CYB5B: variants seen among roughly 807,000 people sequenced by gnomAD.
The protein encoded by CYB5B is cytochrome b5 type B.
A neutral mutation model predicts 21.3 loss-of-function variants in CYB5B; 14 were observed. That is an observed-to-expected ratio of 0.66 (90% CI 0.43 to 1.03). The LOEUF is 1.03. Ranked by LOEUF, CYB5B falls within the 50% of genes least tolerant of loss-of-function variation. The pLI is 0.00. For synonymous variants in CYB5B, 69 were observed against 68.4 expected, an observed-to-expected ratio of 1.01 and a Z score of -0.04; for missense variants, 166 against 185.1, an observed-to-expected ratio of 0.90 and a Z score of 0.60.
intron 3 of CYB5B, among the ~76,000 whole-genome samples, chr16:69,451,040 G>A (rs1260722935): frequency 6.6e-6 from 1 of 152,164 alleles, no homozygotes; most frequent in Admixed American, 6.5e-5. Flanking sequence ...GATAGTACCT[G>A]AGTTGAAGGC....
At chr16:69,450,836 C>CCTT (rs940263506) in intron 3 of CYB5B, among the ~76,000 whole-genome samples, 1 of 152,042 alleles carries the variant, frequency 6.6e-6, no homozygotes. Context: ...TTTCCATTTT[C>CCTT]CTTCTTCTCC....
At chr16:69,454,204 T>A (rs929562047) in intron 3 of CYB5B, among the ~76,000 whole-genome samples, 5 of 152,146 alleles carry the variant, frequency 3.3e-5, no homozygotes, top group African/African-American at 1.2e-4. Context: ...CTTAAGAGAG[T>A]TTATAGCAAT....
chr16:69,445,427 A>G lies in CYB5B; in HGVS notation c.175-1723A>G, dbSNP rs1421882196. Reference sequence around the variant, plus strand: ...CTGGGAAGTAACACTTACAGTTTTTATACTTCAATTGAATTAACATTTATT... The same window carrying G: ...CTGGGAAGTAACACTTACAGTTTTTGTACTTCAATTGAATTAACATTTATT... On this transcript the variant is annotated intron_variant, in intron 1 of 4. Coordinates refer to ENST00000307892, the MANE Select transcript of CYB5B (RefSeq NM_030579.3). 3.9e-5 allele frequency among the ~76,000 whole-genome samples: 6 copies of G among 152,364 alleles called. No individual in the cohort carries two copies. In the East Asian group the frequency reaches 1.2e-3, roughly 29 times the overall value.
chr16:69,462,729 C>T lies in CYB5B; in HGVS notation c.*209C>T, dbSNP rs943029771. The T allele has an allele frequency of 3.8e-6, 2 of 523,290 alleles. No homozygotes were observed. Among genetic ancestry groups the T allele is most frequent in the Non-Finnish European group, 6.9e-6 (2 of 289,552 alleles). The allele number at this position is 523,290 out of a possible 1,614,324, so 32.4% of individuals were successfully genotyped here. A position where few individuals can be genotyped will look rare whatever the true frequency, so the allele number is the denominator to read the frequency against. ...ACTCCCAAAGTACCTGCTCACTGTT[C>T]CGTGTTGAACAATTGCCGGTGTTTC... On this transcript the variant is annotated 3_prime_UTR_variant, in exon 5 of 5. Coordinates refer to ENST00000307892, the MANE Select transcript of CYB5B (RefSeq NM_030579.3).
At chr16:69,431,240 T>C (rs28541473) in intron 1 of CYB5B, among the ~76,000 whole-genome samples, 26,252 of 146,500 alleles carry the variant, frequency 0.18, 2,388 homozygotes, top group Middle Eastern at 0.31. Flanking sequence ...CTGCCCACCT[T>C]GGCCTCCCAA....
In CYB5B at chr16:69,463,396, T is replaced by A. The variant is rs1416623029; in HGVS notation, c.*876T>A. On this transcript the variant is annotated 3_prime_UTR_variant, in exon 5 of 5. Coordinates refer to ENST00000307892, the MANE Select transcript of CYB5B (RefSeq NM_030579.3). ...CTGGTGAATTCAGAGTAATCTTTCT[T>A]TAGAAAACTGGTGTTTTCTAAAGAA... 1.4e-4 allele frequency: 21 copies of A among 152,076 alleles called. No homozygotes were observed. 9.4% of individuals were successfully genotyped at this position (152,076 alleles called of 1,614,324 possible).
At chr16:69,426,239 A>T (rs1478826831) in intron 1 of CYB5B, among the ~76,000 whole-genome samples, 1 of 151,540 alleles carries the variant, frequency 6.6e-6, no homozygotes, top group Non-Finnish European at 1.5e-5. Context: ...CTCTACTAAA[A>T]ATACAAAAAA....
intron 1 of CYB5B, among the ~76,000 whole-genome samples, chr16:69,445,314 G>A (rs1202290291): frequency 6.6e-6 from 1 of 152,190 alleles, no homozygotes; most frequent in Non-Finnish European, 1.5e-5. Flanking sequence ...ACTGGGATGT[G>A]AGACCCACTC....
At chr16:69,453,546 T>G (rs936141909) in intron 3 of CYB5B, among the ~76,000 whole-genome samples, 1 of 152,068 alleles carries the variant, frequency 6.6e-6, no homozygotes, top group Non-Finnish European at 1.5e-5. Context: ...TTCTTGTGTG[T>G]TTTTTTGTTT....
chr16:69,433,819 T>C (rs2014730712), intron 1 of CYB5B, among the ~76,000 whole-genome samples: 2 of 152,168 alleles, frequency 1.3e-5, no homozygotes, highest in African/African-American at 4.8e-5. Flanking sequence ...ATTAGTTGAT[T>C]TTACCCCTTC....
At chr16:69,450,200 A>G (rs915715636) in intron 3 of CYB5B, 2 of 142,746 alleles carry the variant, frequency 1.4e-5, no homozygotes, top group African/African-American at 5.3e-5. Context: ...CATCTGGGTA[A>G]CACAGCATGA....
chr16:69,460,910 C>T (rs1340020387), intron 4 of CYB5B, among the ~76,000 whole-genome samples: 1 of 152,184 alleles, frequency 6.6e-6, no homozygotes, highest in Non-Finnish European at 1.5e-5. Flanking sequence ...ACCTGAATCT[C>T]CTGTGATGCA....
intron 1 of CYB5B, among the ~76,000 whole-genome samples, chr16:69,430,617 TATAA>T (rs1483231013): frequency 6.6e-6 from 1 of 152,182 alleles, no homozygotes. Context: ...TTGACTTGTG[TATAA>T]ATAGTCATTT....
rs1197155089 is a variant in CYB5B at position 69,464,563 on chromosome 16, C to T, written c.*2043C>T. The T allele has an allele frequency of 2.0e-5, 3 of 152,248 alleles. No homozygotes were observed. The highest frequency in any genetic ancestry group is 4.4e-5 in the Non-Finnish European group (3 of 68,022). 9.4% of individuals were successfully genotyped at this position (152,248 alleles called of 1,614,324 possible). A position where few individuals can be genotyped will look rare whatever the true frequency, so the allele number is the denominator to read the frequency against. On this transcript the variant is annotated 3_prime_UTR_variant, in exon 5 of 5. Coordinates refer to ENST00000307892, the MANE Select transcript of CYB5B (RefSeq NM_030579.3). ...AGGAGCTTGAAAGGGAACATTCAAA[C>T]TAAAGCCAAGCCTGAAGATAACTTG...
rs796578821 is a variant in CYB5B at position 69,453,514 on chromosome 16, T to C, written c.333+5370T>C. Among the ~76,000 whole-genome samples, 8 of 152,242 alleles carry C rather than the reference T, an allele frequency of 5.3e-5. 1 individual carries two copies. Among genetic ancestry groups the C allele is most frequent in the African/African-American group, 1.9e-4 (8 of 41,560 alleles). ...GCAGTGATTGCTATTTACCAGAGAA[T>C]TTTGTCTGGTTATTTCCTGATTTCT... On this transcript the variant is annotated intron_variant, in intron 3 of 4. Coordinates refer to ENST00000307892, the MANE Select transcript of CYB5B (RefSeq NM_030579.3).
At chr16:69,442,014 T>G (rs2014828100) in intron 1 of CYB5B, among the ~76,000 whole-genome samples, 2 of 152,220 alleles carry the variant, frequency 1.3e-5, no homozygotes, top group South Asian at 2.1e-4. Context: ...AGGCTCAGAA[T>G]GAACAATACA....
rs1024433160 is a variant in CYB5B at position 69,466,039 on chromosome 16, G to A, written c.*3519G>A. On this transcript the variant is annotated 3_prime_UTR_variant, in exon 5 of 5. Transcript: ENST00000307892. ...TTGCCCACGCTTGTATCCTACGTTT[G>A]CTATTTGGGCAAACCATTACTTCAG... 6.6e-6 allele frequency: 1 copy of A among 152,432 alleles called. No homozygotes were observed. Among genetic ancestry groups the A allele is most frequent in the African/African-American group, 2.4e-5 (1 of 41,312 alleles). 9.4% of individuals were successfully genotyped at this position (152,432 alleles called of 1,614,324 possible). A position where few individuals can be genotyped will look rare whatever the true frequency, so the allele number is the denominator to read the frequency against.
At chr16:69,434,781 T>C (rs1005579552) in intron 1 of CYB5B, among the ~76,000 whole-genome samples, 1 of 149,452 alleles carries the variant, frequency 6.7e-6, no homozygotes, top group African/African-American at 2.5e-5. Flanking sequence ...GAGAATCGCT[T>C]GAACCCGGGA....
chr16:69,433,763 G>A (rs145433994), intron 1 of CYB5B, among the ~76,000 whole-genome samples: 49 of 152,154 alleles, frequency 3.2e-4, no homozygotes, highest in African/African-American at 8.2e-4. Context: ...ATCAATATAC[G>A]GTCATGGGTC....
Sources: gnomAD v4.1 joint callset for allele counts (sites outside exome capture counted in the v4.1 genomes callset) on GRCh38, gnomAD v4.1.1 for gene constraint, MANE v1.5 for transcripts, NCBI Gene and HGNC (gene_info 2026-07-23, HGNC 2026-07-21) for gene names.